The following LUZP2 variants were observed in gnomAD, a reference collection of about 807,000 sequenced individuals.
LUZP2 encodes leucine zipper protein 2.
A neutral mutation model predicts 51.6 loss-of-function variants in LUZP2; 52 were observed. That is an observed-to-expected ratio of 1.01 (90% CI 0.81 to 1.27). The LOEUF (loss-of-function observed/expected upper bound fraction) is 1.27. Ranked by LOEUF, LUZP2 falls within the 50% of genes most tolerant of loss-of-function variation. The probability of loss-of-function intolerance (pLI) is 0.00; values close to 1 mark genes in which losing one functional copy is unlikely to be tolerated. For synonymous variants in LUZP2, 154 were observed against 137.3 expected, an observed-to-expected ratio of 1.12 and a Z score of -0.85; for missense variants, 436 against 395.4, an observed-to-expected ratio of 1.10 and a Z score of -0.87.
At chr11:24,997,167 A>C (rs1856529847) in intron 9 of LUZP2, among the ~76,000 whole-genome samples, 1 of 150,474 alleles carries the variant, frequency 6.6e-6, no homozygotes. Context: ...TGGTATTTCT[A>C]GTTCTAGATC....
At chr11:24,595,929 G>A (rs1018904557) in intron 1 of LUZP2, among the ~76,000 whole-genome samples, 1 of 152,178 alleles carries the variant, frequency 6.6e-6, no homozygotes, top group African/African-American at 2.4e-5. Context: ...CATTAAGAAT[G>A]TTGAGAAATT....
rs144610107 is a variant in LUZP2, at chr11:24,880,034, A to T, written c.397-25957A>T. 8.4e-3 allele frequency among the ~76,000 whole-genome samples: 1,285 copies of T among 152,156 alleles called. 9 individuals are homozygous for T. Among genetic ancestry groups the T allele is most frequent in the Non-Finnish European group, 0.013 (864 of 67,986 alleles). On this transcript the variant is annotated intron_variant, in intron 5 of 11. Transcript: ENST00000336930. ...AGCTCAGCAATAGGGCTTGCCTAGG[A>T]GTTGTAGTCCTTGTGCCCTAGACTT...
At chr11:24,767,521 T>A (rs576143840) in intron 5 of LUZP2, among the ~76,000 whole-genome samples, 102 of 152,330 alleles carry the variant, frequency 6.7e-4, no homozygotes, top group African/African-American at 2.3e-3. Flanking sequence ...CTGGAAAATC[T>A]CTAGTTATAA....
intron 1 of LUZP2, among the ~76,000 whole-genome samples, chr11:24,696,786 A>G (rs1426576343): frequency 6.6e-6 from 1 of 152,118 alleles, no homozygotes; most frequent in Non-Finnish European, 1.5e-5. Context: ...AAGAATTTTT[A>G]TAAACAACAT....
At chr11:24,566,633 C>T (rs1344516633) in intron 1 of LUZP2, among the ~76,000 whole-genome samples, 3 of 146,764 alleles carry the variant, frequency 2.0e-5, no homozygotes, top group East Asian at 3.9e-4. Flanking sequence ...TACACACACA[C>T]ACACACACAC....
chr11:24,637,608 C>T (rs992203986), intron 1 of LUZP2, among the ~76,000 whole-genome samples: 42 of 151,736 alleles, frequency 2.8e-4, no homozygotes, highest in Middle Eastern at 3.4e-3. Flanking sequence ...TCCTGGGGGG[C>T]GGTCTATGAA....
At chr11:25,076,597 G>T (rs564266481) in intron 10 of LUZP2, among the ~76,000 whole-genome samples, 123 of 111,276 alleles carry the variant, frequency 1.1e-3, no homozygotes, top group Non-Finnish European at 1.9e-3. Flanking sequence ...GGAAAGAAGA[G>T]GGAACTAAGG....
At chr11:24,808,257 T>C (rs2134130694) in intron 5 of LUZP2, among the ~76,000 whole-genome samples, 1 of 152,232 alleles carries the variant, frequency 6.6e-6, no homozygotes, top group South Asian at 2.1e-4. Flanking sequence ...CAAGAATATT[T>C]TGGGTTTTAG....
intron 1 of LUZP2, among the ~76,000 whole-genome samples, chr11:24,669,669 C>A (rs769658701): frequency 2.0e-5 from 3 of 151,928 alleles, no homozygotes; most frequent in Non-Finnish European, 4.4e-5. Context: ...TTTATAGAAA[C>A]TTTCAGTAGC....
At chr11:24,690,887 T>C (rs1857043818) in intron 1 of LUZP2, among the ~76,000 whole-genome samples, 1 of 152,020 alleles carries the variant, frequency 6.6e-6, no homozygotes, top group Non-Finnish European at 1.5e-5. Flanking sequence ...AACCAGAAAA[T>C]GTAATTTGTA....
chr11:24,501,713 C>A (rs1849997627), intron 1 of LUZP2, among the ~76,000 whole-genome samples: 2 of 152,074 alleles, frequency 1.3e-5, no homozygotes, highest in Admixed American at 6.6e-5. Context: ...TAAGAATGTG[C>A]CTGCTATCAG....
chr11:24,983,500 G>T (rs946816378), intron 9 of LUZP2, among the ~76,000 whole-genome samples: 6 of 151,680 alleles, frequency 4.0e-5, no homozygotes, highest in African/African-American at 1.5e-4. Flanking sequence ...TTCATAGAGA[G>T]CCTAGCTGAT....
At chr11:24,879,635 T>C (rs1214204971) in intron 5 of LUZP2, among the ~76,000 whole-genome samples, 4 of 152,150 alleles carry the variant, frequency 2.6e-5, no homozygotes, top group Non-Finnish European at 5.9e-5. Flanking sequence ...ATGGTATCTC[T>C]TTCTGGTTTT....
intron 1 of LUZP2, among the ~76,000 whole-genome samples, chr11:24,612,700 G>C (rs1183985527): frequency 6.6e-6 from 1 of 152,072 alleles, no homozygotes. Flanking sequence ...TGGGTATAAA[G>C]TGGATAATAA....
chr11:25,033,695 G>C (rs947621072), intron 9 of LUZP2, among the ~76,000 whole-genome samples: 1 of 152,068 alleles, frequency 6.6e-6, no homozygotes, highest in African/African-American at 2.4e-5. Flanking sequence ...CTGTTCCCAT[G>C]TTAATTCACT....
chr11:24,531,558 T>A (rs1851001000), intron 1 of LUZP2, among the ~76,000 whole-genome samples: 1 of 151,014 alleles, frequency 6.6e-6, no homozygotes, highest in African/African-American at 2.4e-5. Context: ...TGTGTATCTA[T>A]TAGCCCACCT....
chr11:24,953,897 A>G (rs1441039860), intron 7 of LUZP2, among the ~76,000 whole-genome samples: 1 of 152,094 alleles, frequency 6.6e-6, no homozygotes, highest in Admixed American at 6.6e-5. Context: ...AGGTAAATGG[A>G]TAAATGACAA....
At chr11:25,014,197 C>T (rs1437029828) in intron 9 of LUZP2, among the ~76,000 whole-genome samples, 1 of 152,126 alleles carries the variant, frequency 6.6e-6, no homozygotes, top group Non-Finnish European at 1.5e-5. Flanking sequence ...GTGAATAGTG[C>T]CACAATAAAC....
intron 7 of LUZP2, among the ~76,000 whole-genome samples, chr11:24,951,494 A>T (rs1467362237): frequency 6.6e-6 from 1 of 151,602 alleles, no homozygotes; most frequent in Non-Finnish European, 1.5e-5. Flanking sequence ...AATTATAAGA[A>T]TTTAATTAAT....
Sources: gnomAD v4.1 joint callset for allele counts (sites outside exome capture counted in the v4.1 genomes callset) on GRCh38, gnomAD v4.1.1 for gene constraint, MANE v1.5 for transcripts, NCBI Gene and HGNC (gene_info 2026-07-23, HGNC 2026-07-21) for gene names.